Variants in QTMAN observed in about 807,000 individuals in gnomAD.
QTMAN encodes tRNA-queuosine alpha-mannosyltransferase.
At chr2:144,063,175 G>C in the QTMAN span, among the ~76,000 whole-genome samples, 2 of 152,252 alleles carry the variant, frequency 1.3e-5, no homozygotes, top group Non-Finnish European at 2.9e-5. Flanking sequence ...GAGAGAAATG[G>C]AGAAACACAG....
At chr2:143,959,750 AT>A in the QTMAN span, among the ~76,000 whole-genome samples, 5,800 of 152,138 alleles carry the variant, frequency 0.038, 373 homozygotes, top group African/African-American at 0.13. Flanking sequence ...GTTATAAAAT[AT>A]TTTTTTGGTA....
At chr2:144,153,782 C>A in the QTMAN span, among the ~76,000 whole-genome samples, 1 of 152,184 alleles carries the variant, frequency 6.6e-6, no homozygotes, top group African/African-American at 2.4e-5. Flanking sequence ...CCTTTAATCA[C>A]CATAATATTG....
chr2:144,242,960 T>TAAAAAAAA, the QTMAN span, among the ~76,000 whole-genome samples: 51 of 77,800 alleles, frequency 6.6e-4, 2 homozygotes, highest in African/African-American at 3.1e-3. Context: ...AGACTCTACT[T>TAAAAAAAA]AAAAAAAAAA....
At chr2:144,284,116 A>G in the QTMAN span, among the ~76,000 whole-genome samples, 1 of 152,220 alleles carries the variant, frequency 6.6e-6, no homozygotes, top group South Asian at 2.1e-4. Flanking sequence ...TACAAAAACA[A>G]ATAATCATAC....
the QTMAN span, among the ~76,000 whole-genome samples, chr2:144,136,576 A>C: frequency 1.3e-5 from 2 of 152,100 alleles, no homozygotes; most frequent in African/African-American, 2.4e-5. Flanking sequence ...TGGATATTTA[A>C]AATTTCCCTA....
chr2:144,150,149 G>C, the QTMAN span, among the ~76,000 whole-genome samples: 1 of 151,998 alleles, frequency 6.6e-6, no homozygotes, highest in Non-Finnish European at 1.5e-5. Context: ...ACAGACACCA[G>C]TTTGGGCTGT....
At chr2:144,197,613 A>T in the QTMAN span, among the ~76,000 whole-genome samples, 1 of 152,278 alleles carries the variant, frequency 6.6e-6, no homozygotes, top group Non-Finnish European at 1.5e-5. Context: ...AATCCTTTTC[A>T]CATAGATAGG....
At chr2:144,260,377 GAA>G in the QTMAN span, among the ~76,000 whole-genome samples, 1 of 151,992 alleles carries the variant, frequency 6.6e-6, no homozygotes, top group Admixed American at 6.6e-5. Context: ...GAAAACATCT[GAA>G]GTGATGTTCC....
At chr2:144,163,574 A>G in the QTMAN span, among the ~76,000 whole-genome samples, 1 of 152,226 alleles carries the variant, frequency 6.6e-6, no homozygotes, top group African/African-American at 2.4e-5. Flanking sequence ...TAAGGAATAT[A>G]TGCTAACATT....
At chr2:144,009,328 A>G in the QTMAN span, among the ~76,000 whole-genome samples, 1 of 152,018 alleles carries the variant, frequency 6.6e-6, no homozygotes, top group Non-Finnish European at 1.5e-5. Context: ...GCTTTCAGAA[A>G]CTCACTGAGG....
At chr2:144,067,300 A>C in the QTMAN span, among the ~76,000 whole-genome samples, 2 of 152,258 alleles carry the variant, frequency 1.3e-5, no homozygotes, top group Non-Finnish European at 2.9e-5. Context: ...AAGGTTTTTT[A>C]AATTGGCTCT....
the QTMAN span, among the ~76,000 whole-genome samples, chr2:144,024,129 G>A: frequency 2.0e-5 from 3 of 152,268 alleles, no homozygotes; most frequent in African/African-American, 4.8e-5. Context: ...ACCAATCCAT[G>A]TGTAGATGTA....
At chr2:144,126,296 AC>A in the QTMAN span, among the ~76,000 whole-genome samples, 3 of 151,794 alleles carry the variant, frequency 2.0e-5, no homozygotes, top group East Asian at 1.9e-4. Context: ...AAAAAAAAAA[AC>A]AATAACAACA....
At chr2:144,242,713 G>A in the QTMAN span, among the ~76,000 whole-genome samples, 2 of 152,088 alleles carry the variant, frequency 1.3e-5, no homozygotes, top group Admixed American at 1.3e-4. Flanking sequence ...TGTAATCCCA[G>A]CACTTTGGGA....
the QTMAN span, among the ~76,000 whole-genome samples, chr2:144,269,008 C>T: frequency 2.0e-5 from 3 of 152,092 alleles, no homozygotes; most frequent in African/African-American, 7.2e-5. Context: ...AGGGTGGTCC[C>T]GATCTCCTGA....
the QTMAN span, among the ~76,000 whole-genome samples, chr2:144,306,151 T>C: frequency 2.6e-5 from 4 of 152,262 alleles, no homozygotes; most frequent in East Asian, 1.9e-4. Context: ...GGTTTTTACA[T>C]AGATGCCCTT....
chr2:144,246,601 AAG>A, the QTMAN span, among the ~76,000 whole-genome samples: 1 of 150,758 alleles, frequency 6.6e-6, no homozygotes, highest in East Asian at 1.9e-4. Context: ...AAAAAAAAAA[AAG>A]AAAAGAAAAG....
chr2:144,208,854 A>C, the QTMAN span: 1 of 1,056,690 alleles, frequency 9.5e-7, no homozygotes, highest in Non-Finnish European at 1.3e-6. Flanking sequence ...TACATGTATA[A>C]AATTTTTAAT....
the QTMAN span, among the ~76,000 whole-genome samples, chr2:144,025,453 T>C: frequency 6.6e-6 from 1 of 152,162 alleles, no homozygotes; most frequent in African/African-American, 2.4e-5. Context: ...GGAAGTAGTG[T>C]CTATTTTTAC....
Sources: allele counts gnomAD v4.1 joint callset (sites outside exome capture counted in the v4.1 genomes callset), GRCh38; gene constraint gnomAD v4.1.1; transcripts MANE v1.5; gene names NCBI Gene and HGNC (gene_info 2026-07-23, HGNC 2026-07-21).